INTS6: variants seen among roughly 807,000 people sequenced by gnomAD.
The protein encoded by INTS6 is DEAD box protein.
Under a neutral mutation model 104.9 loss-of-function variants are expected in INTS6, and 16 were observed. The observed-to-expected ratio is 0.15, with a 90% confidence interval of 0.10 to 0.23. INTS6 has a LOEUF of 0.23. Among genes scored for constraint, INTS6 ranks in the 10% least tolerant of loss-of-function variants. The probability of loss-of-function intolerance (pLI) is 1.00; values close to 1 mark genes in which losing one functional copy is unlikely to be tolerated. For synonymous variants in INTS6, 324 were observed against 358.7 expected, an observed-to-expected ratio of 0.90 and a Z score of 1.09; for missense variants, 584 against 1,062.8, an observed-to-expected ratio of 0.55 and a Z score of 6.26.
At chr13:51,387,825 C>T (rs1248741168) in intron 6 of INTS6, among the ~76,000 whole-genome samples, 14 of 152,106 alleles carry the variant, frequency 9.2e-5, no homozygotes, top group Admixed American at 9.2e-4. Flanking sequence ...ACATACTTTA[C>T]GGTGAATATC....
intron 3 of INTS6, among the ~76,000 whole-genome samples, chr13:51,433,968 T>C (rs1220793648): frequency 6.6e-6 from 1 of 152,230 alleles, no homozygotes; most frequent in Admixed American, 6.5e-5. Context: ...GTGGCCTAGA[T>C]GGTGGCAAAG....
intron 3 of INTS6, chr13:51,441,619 ATAC>A (rs1952798260): frequency 6.6e-6 from 1 of 152,194 alleles, no homozygotes; most frequent in Non-Finnish European, 1.5e-5. Flanking sequence ...ACTGGTTGGC[ATAC>A]TACATTGGAA....
At chr13:51,447,700 T>C (rs920952941) in intron 3 of INTS6, 1 of 106,422 alleles carries the variant, frequency 9.4e-6, no homozygotes, top group Non-Finnish European at 1.8e-5. Flanking sequence ...AGAGTAAAGA[T>C]ATATTGGCTA....
At position 51,452,809 on chromosome 13, in the gene INTS6, C is replaced by T; in HGVS notation, c.-284G>A. ...AGCCGTCTGTCTGTCGGTTCGTCCC[C>T]CCCGCCTCGGGGGTCCCGTCCCCGC... On this transcript the variant is annotated 5_prime_UTR_variant, in exon 1 of 18. Coordinates refer to ENST00000311234, the MANE Select transcript of INTS6 (RefSeq NM_012141.3). This position sits in a 1 kb window ranked among gnomAD's most constrained non-coding sequence, Gnocchi z 4.2. The T allele has an allele frequency of 8.5e-7, 1 of 1,181,324 alleles. No homozygotes were observed. Among genetic ancestry groups the T allele is most frequent in the East Asian group, 6.8e-5 (1 of 14,782 alleles). 73.2% of individuals were successfully genotyped at this position (1,181,324 alleles called of 1,614,324 possible). A position where few individuals can be genotyped will look rare whatever the true frequency, so the allele number is the denominator to read the frequency against.
At chr13:51,355,951 T>G (rs2137808360) in intron 3 of INTS6, among the ~76,000 whole-genome samples, 1 of 152,266 alleles carries the variant, frequency 6.6e-6, no homozygotes, top group Non-Finnish European at 1.5e-5. Context: ...AAATCACTAT[T>G]TTGAATTCTA....
Position 51,376,077 on chromosome 13 carries a change from G to C in INTS6, c.1700C>G (p.Thr567Ser). 1 of 1,611,110 alleles carries C rather than the reference G, an allele frequency of 6.2e-7. No individual in the cohort carries two copies. Among genetic ancestry groups the C allele is most frequent in the South Asian group, 1.1e-5 (1 of 90,666 alleles). The change falls in exon 13 of 18, where the codon ACT (threonine) becomes AGT (serine). Residue 567 changes from threonine to serine, a missense_variant. This residue lies in a region of INTS6 where 296 missense variants were observed against 437.0 expected (regional missense o/e 0.68). Transcript: ENST00000311234. ...TRMRSNLLKS[T>S]RRFLKGQDED... ...GTCCTGTCCTTTCAGAAATCTGCGA[G>C]TGCTCTTCAAAAGATTAGATCTCAT...
At chr13:51,339,093 T>TTAC in the INTS6 span, among the ~76,000 whole-genome samples, 1 of 152,256 alleles carries the variant, frequency 6.6e-6, no homozygotes, top group Non-Finnish European at 1.5e-5. Flanking sequence ...GTCATTGGAC[T>TTAC]TACGAACTGT....
Position 51,361,857 on chromosome 13 carries a change from C to T in INTS6, c.*3895G>A, listed in dbSNP as rs371052566. ...TCGGATTCCTATTTTTAAAGCAGAT[C>T]GGCCATTCATCTATTTCCTGAGAGA... On this transcript the variant is annotated 3_prime_UTR_variant, in exon 18 of 18. Coordinates refer to ENST00000311234, the MANE Select transcript of INTS6 (RefSeq NM_012141.3). 110 of 1,611,078 alleles carry T rather than the reference C, an allele frequency of 6.8e-5. No homozygotes were observed. The highest frequency in any genetic ancestry group is 8.3e-5 in the Non-Finnish European group (98 of 1,178,428).
intron 15 of INTS6, 29 bp downstream of exon 15, chr13:51,374,179 A>G: frequency 1.3e-6 from 2 of 1,564,586 alleles, no homozygotes; most frequent in Non-Finnish European, 1.8e-6. Flanking sequence ...AAGGCAGCAA[A>G]TAATGTTTAA....
At chr13:51,449,620 C>A in intron 3 of INTS6, 1 of 985,160 alleles carries the variant, frequency 1.0e-6, no homozygotes, top group Non-Finnish European at 1.2e-6. Context: ...ATAAAGGTAA[C>A]CAAATAATGG....
At chr13:51,428,211 C>CAAAAGACT (rs1304042928) in intron 4 of INTS6, among the ~76,000 whole-genome samples, 4 of 151,996 alleles carry the variant, frequency 2.6e-5, no homozygotes, top group African/African-American at 9.6e-5. Flanking sequence ...AACAAACATT[C>CAAAAGACT]AAAAGACTTT....
intron 7 of INTS6, among the ~76,000 whole-genome samples, chr13:51,385,948 T>C (rs1201458767): frequency 6.6e-6 from 1 of 152,168 alleles, no homozygotes; most frequent in African/African-American, 2.4e-5. Context: ...GTTAAAAACA[T>C]CTTCGACTGC....
the INTS6 span, chr13:51,340,790 G>A: frequency 4.1e-6 from 2 of 486,804 alleles, no homozygotes; most frequent in Non-Finnish European, 7.4e-6. Flanking sequence ...CCAGGGCTTT[G>A]CTAAAGTCAC....
rs144918317 is a variant in INTS6 at position 51,376,062 on chromosome 13, T to C, written c.1715A>G (p.Lys572Arg). ...TATGTTCTAACCTTCGTCCTGTCCT[T>C]TCAGAAATCTGCGAGTGCTCTTCAA... ...NLLKSTRRFL[K>R]GQDEDQVHSV... The change falls in exon 13 of 18, where the codon AAA (lysine) becomes AGA (arginine). Residue 572 changes from lysine to arginine, a missense_variant. This residue lies in a region of INTS6 where 296 missense variants were observed against 437.0 expected (regional missense o/e 0.68). Transcript: ENST00000311234. The C allele has an allele frequency of 1.0e-3, 1,610 of 1,609,556 alleles. 3 individuals are homozygous for C. The highest frequency in any genetic ancestry group is 1.3e-3 in the Non-Finnish European group (1,555 of 1,178,682).
chr13:51,445,537 T>C (rs1446922988), intron 3 of INTS6: 5 of 152,226 alleles, frequency 3.3e-5, no homozygotes, highest in African/African-American at 9.6e-5. Flanking sequence ...ATCATCCCAT[T>C]TAAACCTCTC....
At chr13:51,361,450 C>A, downstream of INTS6, 1 of 843,476 alleles carries the variant, frequency 1.2e-6, no homozygotes, top group Non-Finnish European at 2.0e-6. Context: ...ACTTCTGAAT[C>A]TTTCCATAAC....
chr13:51,379,436 T>C (rs1258776578), intron 11 of INTS6, 26 bp downstream of exon 11: 1 of 1,380,328 alleles, frequency 7.2e-7, no homozygotes, highest in East Asian at 2.3e-5. Flanking sequence ...AAATACTTAA[T>C]GGCTCACTCT....
chr13:51,347,821 A>G, the INTS6 span, among the ~76,000 whole-genome samples: 1 of 152,076 alleles, frequency 6.6e-6, no homozygotes, highest in African/African-American at 2.4e-5. Context: ...TAGCCATCTC[A>G]GTCATCAGAT....
intron 3 of INTS6, chr13:51,446,206 C>T (rs918156903): frequency 5.3e-5 from 8 of 152,058 alleles, no homozygotes; most frequent in Non-Finnish European, 1.2e-4. Context: ...ATAAAGAAAT[C>T]CTAAAGCTCA....
Sources: allele counts gnomAD v4.1 joint callset (sites outside exome capture counted in the v4.1 genomes callset), GRCh38; gene constraint gnomAD v4.1.1; regional missense constraint gnomAD v4.1.1; non-coding constraint Gnocchi (gnomAD v3.1); transcripts MANE v1.5; gene names NCBI Gene and HGNC (gene_info 2026-07-23, HGNC 2026-07-21).